C8orf89: variants seen among roughly 807,000 people sequenced by gnomAD.
The protein encoded by C8orf89 is putative uncharacterized protein C8orf89.
C8orf89 carries 14 observed loss-of-function variants against 15.8 expected under a neutral mutation model. That is an observed-to-expected ratio of 0.89 (90% CI 0.59 to 1.39). The LOEUF (loss-of-function observed/expected upper bound fraction) is 1.39. Ranked by LOEUF, C8orf89 falls within the 40% of genes most tolerant of loss-of-function variation. The probability of loss-of-function intolerance (pLI) is 0.00; values close to 1 mark genes in which losing one functional copy is unlikely to be tolerated. For missense variants in C8orf89, 181 were observed against 184.5 expected, an observed-to-expected ratio of 0.98 and a Z score of 0.11; for synonymous variants, 55 against 62.2, an observed-to-expected ratio of 0.88 and a Z score of 0.54.
the C8orf89 span, among the ~76,000 whole-genome samples, chr8:73,285,820 G>A: frequency 6.6e-6 from 1 of 152,214 alleles, no homozygotes; most frequent in Non-Finnish European, 1.5e-5. Context: ...GACAGGTGAT[G>A]CAGGTGGCCG....
chr8:73,267,628 C>T, the C8orf89 span, among the ~76,000 whole-genome samples: 1 of 152,100 alleles, frequency 6.6e-6, no homozygotes, highest in Non-Finnish European at 1.5e-5. Context: ...TTTTGCAAAC[C>T]TTAATAAATG....
chr8:73,257,035 A>G lies in C8orf89; in HGVS notation c.219T>C (p.Ser73=). 6.5e-7 allele frequency: 1 copy of G among 1,535,930 alleles called. No individual in the cohort carries two copies. The highest frequency in any genetic ancestry group is 8.7e-7 in the Non-Finnish European group (1 of 1,146,788). ...PGLQSCQKSV[S]STPLEVPKRL... ...TTTTAGGAACCTCTAGTGGAGTTGA[A>G]CTTACACTTTTTTGGCAACTTTGCA... Residue 73 remains serine (S), a synonymous_variant, in exon 2 of 4, where the codon AGT becomes AGC. Coordinates refer to ENST00000624510, the MANE Select transcript of C8orf89 (RefSeq NM_001243237.3).
At chr8:73,271,647 T>C in the C8orf89 span, among the ~76,000 whole-genome samples, 2 of 152,224 alleles carry the variant, frequency 1.3e-5, no homozygotes, top group Non-Finnish European at 2.9e-5. Context: ...TATTCTTTTA[T>C]AGCAACACTA....
chr8:73,271,730 G>A, the C8orf89 span, among the ~76,000 whole-genome samples: 20 of 152,088 alleles, frequency 1.3e-4, no homozygotes, highest in African/African-American at 3.6e-4. Flanking sequence ...AAAGACACCC[G>A]AGACTGTGCA....
chr8:73,247,266 C>T (rs1006631226), intron 3 of C8orf89, among the ~76,000 whole-genome samples: 2 of 138 alleles, frequency 0.014, no homozygotes, highest in African/African-American at 0.059. Context: ...CTGCAAAGGA[C>T]ATGATCTGTT....
the C8orf89 span, among the ~76,000 whole-genome samples, chr8:73,271,621 A>G: frequency 6.6e-6 from 1 of 152,174 alleles, no homozygotes; most frequent in Non-Finnish European, 1.5e-5. Context: ...TCCTTTATAA[A>G]TTACCCAGCC....
the C8orf89 span, among the ~76,000 whole-genome samples, chr8:73,275,231 CTTTTTT>C: frequency 5.9e-5 from 5 of 84,740 alleles, no homozygotes; most frequent in Non-Finnish European, 8.5e-5. Flanking sequence ...TGTAATAGTT[CTTTTTT>C]TTTTTTTTTT....
chr8:73,247,709 T>C (rs1813157271), intron 3 of C8orf89, among the ~76,000 whole-genome samples: 1 of 152,252 alleles, frequency 6.6e-6, no homozygotes, highest in African/African-American at 2.4e-5. Flanking sequence ...TTGAGCTTTT[T>C]TTTCATATGC....
chr8:73,277,496 C>T, the C8orf89 span: 58 of 818,478 alleles, frequency 7.1e-5, no homozygotes, highest in African/African-American at 4.8e-4. Context: ...GATGCCACCA[C>T]GAAAACTTCC....
At chr8:73,254,226 G>A (rs960438236) in intron 2 of C8orf89, among the ~76,000 whole-genome samples, 1 of 151,932 alleles carries the variant, frequency 6.6e-6, no homozygotes, top group African/African-American at 2.4e-5. Context: ...TTTATATGCT[G>A]GATTACATTT....
chr8:73,242,087 AT>A (rs1441017355), intron 3 of C8orf89, among the ~76,000 whole-genome samples: 3 of 152,208 alleles, frequency 2.0e-5, no homozygotes, highest in African/African-American at 7.2e-5. Flanking sequence ...GTGGTCAAAG[AT>A]TTCCTGAGTA....
At chr8:73,246,529 C>T (rs999030523) in intron 3 of C8orf89, among the ~76,000 whole-genome samples, 1 of 152,156 alleles carries the variant, frequency 6.6e-6, no homozygotes, top group Non-Finnish European at 1.5e-5. Flanking sequence ...CAGGCGCACA[C>T]CACAATTCCC....
the C8orf89 span, chr8:73,278,029 G>A: frequency 1.9e-6 from 1 of 528,586 alleles, no homozygotes; most frequent in Non-Finnish European, 3.6e-6. Flanking sequence ...GGAAACTTGG[G>A]TTCTGGAAGA....
chr8:73,269,576 T>C, the C8orf89 span, among the ~76,000 whole-genome samples: 4 of 152,230 alleles, frequency 2.6e-5, no homozygotes, highest in African/African-American at 9.6e-5. Flanking sequence ...ACAGCGACTC[T>C]GGGCTGCCTC....
intron 2 of C8orf89, among the ~76,000 whole-genome samples, chr8:73,251,215 G>T (rs1409795698): frequency 6.6e-6 from 1 of 151,960 alleles, no homozygotes; most frequent in African/African-American, 2.4e-5. Flanking sequence ...AAAATATTTT[G>T]CTTACCAATA....
At chr8:73,253,927 C>T (rs967681369) in intron 2 of C8orf89, among the ~76,000 whole-genome samples, 4 of 151,186 alleles carry the variant, frequency 2.6e-5, no homozygotes, top group Admixed American at 6.6e-5. Context: ...CCTTTATTTC[C>T]TTCTCCTGCC....
At chr8:73,257,204 A>C in intron 1 of C8orf89, 78 bp from the exon 2 acceptor site, 1 of 880,220 alleles carries the variant, frequency 1.1e-6, no homozygotes, top group Non-Finnish European at 1.6e-6. Context: ...ACATAATAAA[A>C]TACACAAAAT....
chr8:73,259,308 G>A (rs1435393558), intron 1 of C8orf89, 24 bp downstream of exon 1: 3 of 1,410,894 alleles, frequency 2.1e-6, no homozygotes, highest in Admixed American at 4.7e-5. Flanking sequence ...GTTTTCTTAA[G>A]GAAAATAATA....
chr8:73,278,644 T>TTCTTTG, the C8orf89 span, among the ~76,000 whole-genome samples: 1 of 152,248 alleles, frequency 6.6e-6, no homozygotes, highest in Non-Finnish European at 1.5e-5. Flanking sequence ...GACTATTCCA[T>TTCTTTG]AGTCTACATG....
Sources: allele counts gnomAD v4.1 joint callset (sites outside exome capture counted in the v4.1 genomes callset), GRCh38; gene constraint gnomAD v4.1.1; transcripts MANE v1.5; gene names NCBI Gene and HGNC (gene_info 2026-07-23, HGNC 2026-07-21).